EFHB: variants seen among roughly 807,000 people sequenced by gnomAD.
The protein encoded by EFHB is EF-hand domain-containing family member B.
EFHB carries 91 observed loss-of-function variants against 87.2 expected under a neutral mutation model. That is an observed-to-expected ratio of 1.04 (90% CI 0.88 to 1.24). EFHB has a LOEUF of 1.24. Ranked by LOEUF, EFHB falls within the 50% of genes most tolerant of loss-of-function variation. EFHB has a pLI of 0.00. For missense variants in EFHB, 1,084 were observed against 998.8 expected (o/e 1.09, Z -1.15); for synonymous variants, 325 against 333.6 (o/e 0.97, Z 0.28).
intron 9 of EFHB, among the ~76,000 whole-genome samples, chr3:19,893,491 G>C (rs572265588): frequency 1.3e-5 from 2 of 152,184 alleles, no homozygotes; most frequent in Non-Finnish European, 2.9e-5. Flanking sequence ...GAACACTTTA[G>C]ACCCAGGATG....
At chr3:19,908,598 G>GAGAAAGAA (rs767343345) in intron 5 of EFHB, among the ~76,000 whole-genome samples, 2,107 of 77,802 alleles carry the variant, frequency 0.027, 69 homozygotes, top group Middle Eastern at 0.064. Flanking sequence ...GAGAGAGAGA[G>GAGAAAGAA]AGAAAGAAAG....
chr3:19,879,508 A>G lies in EFHB; in HGVS notation c.*123T>C, dbSNP rs2071619264. ...AAAATCTAATTTATTAGCAACACAT[A>G]CAGGCATATGAGTCTTACCACTGTG... On this transcript the variant is annotated 3_prime_UTR_variant, in exon 13 of 13. Transcript: ENST00000295824. 5.9e-6 allele frequency: 6 copies of G among 1,013,294 alleles called. No homozygotes were observed. The highest frequency in any genetic ancestry group is 5.5e-6 in the Non-Finnish European group (4 of 725,336). The allele number at this position is 1,013,294 out of a possible 1,614,324, so 62.8% of individuals were successfully genotyped here.
chr3:19,901,067 A>C (rs1694654787), intron 6 of EFHB, among the ~76,000 whole-genome samples: 1 of 152,220 alleles, frequency 6.6e-6, no homozygotes, highest in African/African-American at 2.4e-5. Flanking sequence ...AATACACTGC[A>C]TGCATTTTCA....
chr3:19,937,620 C>CT (rs1343844400), upstream of EFHB, among the ~76,000 whole-genome samples: 2 of 152,148 alleles, frequency 1.3e-5, no homozygotes, highest in African/African-American at 4.8e-5. Flanking sequence ...GTCTACCACA[C>CT]TTAACAGTCA....
At chr3:19,914,805 T>G (rs1695170414) in intron 5 of EFHB, among the ~76,000 whole-genome samples, 1 of 152,144 alleles carries the variant, frequency 6.6e-6, no homozygotes, top group African/African-American at 2.4e-5. Context: ...AGAATAAGTC[T>G]TGAGCTGAGT....
In EFHB at chr3:19,898,793, G is replaced by C. The variant is rs200229162; in HGVS notation, c.1555C>G (p.Arg519Gly). ...PPDCTFGACL[R>G]PEEYGVGDLI... ...GTATATTTACCATATTCCTCAGGACGGAGACAAGCTCCAAATGTGCAGTCT... is the reference window on the plus strand; with the variant it reads ...GTATATTTACCATATTCCTCAGGACCGAGACAAGCTCCAAATGTGCAGTCT... Residue 519 changes from arginine (R) to glycine (G), a missense_variant, in exon 8 of 13, where the codon CGT becomes GGT. Physicochemically the swap from Arg to Gly is moderately radical, Grantham distance 125. Coordinates refer to ENST00000295824, the MANE Select transcript of EFHB (RefSeq NM_144715.4). The C allele has an allele frequency of 6.2e-7, 1 of 1,613,498 alleles. No homozygotes were observed. The highest frequency in any genetic ancestry group is 1.6e-4 in the Middle Eastern group (1 of 6,082).
In EFHB at chr3:19,879,592, T is replaced by C; in HGVS notation, c.*39A>G. On this transcript the variant is annotated 3_prime_UTR_variant, in exon 13 of 13. Coordinates refer to ENST00000295824, the MANE Select transcript of EFHB (RefSeq NM_144715.4). Reference sequence around the variant, plus strand: ...TCAACATTTTAGATAAACACAGAGTTAATAATTCTTTTGCTTGAATGAATG... The same window carrying C: ...TCAACATTTTAGATAAACACAGAGTCAATAATTCTTTTGCTTGAATGAATG... The C allele has an allele frequency of 2.0e-6, 3 of 1,516,058 alleles. No individual in the cohort carries two copies. The highest frequency in any genetic ancestry group is 2.6e-6 in the Non-Finnish European group (3 of 1,133,488). 93.9% of individuals were successfully genotyped at this position (1,516,058 alleles called of 1,614,324 possible). A position where few individuals can be genotyped will look rare whatever the true frequency, so the allele number is the denominator to read the frequency against.
intron 1 of EFHB, among the ~76,000 whole-genome samples, chr3:19,944,854 C>T (rs886278693): frequency 1.4e-4 from 22 of 152,136 alleles, no homozygotes; most frequent in Non-Finnish European, 8.8e-5. Flanking sequence ...TTATAGCAGT[C>T]AAGGGTCTTC....
At chr3:19,923,427 A>T (rs995559528) in intron 1 of EFHB, among the ~76,000 whole-genome samples, 1 of 152,170 alleles carries the variant, frequency 6.6e-6, no homozygotes, top group Non-Finnish European at 1.5e-5. Context: ...TGCAGATGTC[A>T]GCTCACTGCA....
upstream of EFHB, among the ~76,000 whole-genome samples, chr3:19,934,868 G>GAACACTTACACTTTAAC (rs1695973311): frequency 6.6e-6 from 1 of 152,058 alleles, no homozygotes; most frequent in African/African-American, 2.4e-5. Context: ...AAGTCCTTGA[G>GAACACTTACACTTTAAC]AACACTTACA....
In EFHB at chr3:19,882,016, AAAATAAAT is replaced by A. The variant is rs368695761; in HGVS notation, c.2328+526_2328+533del. ...TGTGGGCATCATGTTTTCTGAGTCAAAAATAAATAAATAAATAAATAAATAAATAAATA... is the reference window on the plus strand; with the variant it reads ...TGTGGGCATCATGTTTTCTGAGTCAAAAATAAATAAATAAATAAATAAATA... On this transcript the variant is annotated intron_variant, in intron 12 of 12. Transcript: ENST00000295824. Among the ~76,000 whole-genome samples, 930 of 141,728 alleles carry A rather than the reference AAAATAAAT, an allele frequency of 6.6e-3. 4 individuals are homozygous for A. The highest frequency in any genetic ancestry group is 0.017 in the South Asian group (77 of 4,476). The allele number at this position is 141,728 out of a possible 152,430, so 93.0% of individuals were successfully genotyped here.
chr3:19,898,982 C>T lies in EFHB; in HGVS notation c.1503-137G>A, dbSNP rs549444101. The T allele has an allele frequency of 6.5e-6, 5 of 769,140 alleles. No individual in the cohort carries two copies. The South Asian group carries it at 9.5e-5, about 15-fold the overall frequency. The allele number at this position is 769,140 out of a possible 1,614,324, so 47.6% of individuals were successfully genotyped here. On this transcript the variant is annotated intron_variant, in intron 7 of 12. Transcript: ENST00000295824. ...CTATGAAGATCAAACAAAAGTTCTC[C>T]AATAGATCTTTTGTCTGATCTTCCA... is the stretch of plus-strand genomic sequence containing the variant.
chr3:19,914,212 A>C (rs1410747614), intron 5 of EFHB, among the ~76,000 whole-genome samples: 2 of 152,182 alleles, frequency 1.3e-5, no homozygotes, highest in Non-Finnish European at 2.9e-5. Flanking sequence ...TACAAGAGTG[A>C]GCCACCGCAC....
At chr3:19,905,530 A>C in intron 6 of EFHB, 90 bp downstream of exon 6, 1 of 1,364,764 alleles carries the variant, frequency 7.3e-7, no homozygotes, top group Non-Finnish European at 1.0e-6. Context: ...TCATTTTATT[A>C]CCTCTTCAAA....
intron 6 of EFHB, among the ~76,000 whole-genome samples, chr3:19,901,177 T>C (rs1476626294): frequency 1.3e-5 from 2 of 152,088 alleles, no homozygotes; most frequent in Non-Finnish European, 2.9e-5. Context: ...AAAATCTACA[T>C]AGGGAGCCAC....
chr3:19,882,054 A>ATT (rs74770632), intron 12 of EFHB, among the ~76,000 whole-genome samples: 22,377 of 133,536 alleles, frequency 0.17, 2,228 homozygotes, highest in Non-Finnish European at 0.23. Flanking sequence ...TAAATAAATA[A>ATT]ATAAATAATT....
intron 5 of EFHB, 133 bp downstream of exon 5, chr3:19,915,170 C>G (rs1469273905): frequency 1.7e-6 from 1 of 598,384 alleles, no homozygotes; most frequent in Non-Finnish European, 3.0e-6. Context: ...GGTTTATGAC[C>G]TTATGAATAA....
chr3:19,902,960 T>C (rs867121981), intron 6 of EFHB, among the ~76,000 whole-genome samples: 2 of 151,946 alleles, frequency 1.3e-5, no homozygotes, highest in Non-Finnish European at 2.9e-5. Context: ...GCGGATCACC[T>C]GAGGTCATGA....
chr3:19,925,274 T>C (rs1422730477), intron 1 of EFHB, among the ~76,000 whole-genome samples: 1 of 149,300 alleles, frequency 6.7e-6, no homozygotes, highest in Non-Finnish European at 1.5e-5. Context: ...AGTTAGGAAA[T>C]GTATGAATAG....
Sources: gnomAD v4.1 joint callset for allele counts (sites outside exome capture counted in the v4.1 genomes callset) on GRCh38, gnomAD v4.1.1 for gene constraint, MANE v1.5 for transcripts, NCBI Gene and HGNC (gene_info 2026-07-23, HGNC 2026-07-21) for gene names.